PXDNL: variants seen among roughly 807,000 people sequenced by gnomAD.
The protein encoded by PXDNL is probable oxidoreductase PXDNL.
PXDNL carries 145 observed loss-of-function variants against 150.8 expected under a neutral mutation model. That is an observed-to-expected ratio of 0.96 (90% CI 0.84 to 1.10). The LOEUF (loss-of-function observed/expected upper bound fraction) is 1.10, where lower values mean the gene tolerates loss of function less well. PXDNL is among the 50% of genes least tolerant of loss of function. The pLI, the probability that PXDNL is intolerant of heterozygous loss-of-function variation, is 0.00. For missense variants in PXDNL, 2,087 were observed against 1,873.9 expected, an observed-to-expected ratio of 1.11 and a Z score of -2.10; for synonymous variants, 757 against 725.7, an observed-to-expected ratio of 1.04 and a Z score of -0.69.
chr8:51,369,266 A>G (rs535798769), intron 19 of PXDNL, among the ~76,000 whole-genome samples: 4 of 152,298 alleles, frequency 2.6e-5, no homozygotes, highest in Admixed American at 1.3e-4. Context: ...AACTCAGACC[A>G]TTAAAATGTA....
intron 3 of PXDNL, among the ~76,000 whole-genome samples, chr8:51,567,014 T>C (rs1812843350): frequency 6.6e-6 from 1 of 151,842 alleles, no homozygotes; most frequent in Admixed American, 6.6e-5. Context: ...TACTTTTAAA[T>C]TTCCCTTGAG....
rs151183014 is a variant in PXDNL, at chr8:51,418,955, C to T, written c.1795+4620G>A. On this transcript the variant is annotated intron_variant, in intron 14 of 22. Coordinates refer to ENST00000356297, the MANE Select transcript of PXDNL (RefSeq NM_144651.5). ...AGAAGCAATTTTAGGGAAGGAAAGA[C>T]GAGGGAGGCTTTGAGTTGGAGTAAG... 3.8e-4 allele frequency among the ~76,000 whole-genome samples: 58 copies of T among 152,094 alleles called. 2 individuals carry two copies. Among genetic ancestry groups the T allele is most frequent in the Middle Eastern group, 6.8e-3 (2 of 294 alleles).
chr8:51,388,443 T>C (rs1429208645), intron 17 of PXDNL, among the ~76,000 whole-genome samples: 8 of 152,208 alleles, frequency 5.3e-5, no homozygotes, highest in Non-Finnish European at 1.2e-4. Flanking sequence ...GTGAAAAATA[T>C]CTGCTATGCT....
rs117045492 is a variant in PXDNL, at chr8:51,420,081, G to A, written c.1795+3494C>T. Among the ~76,000 whole-genome samples the A allele has an allele frequency of 7.1e-3, 1,086 of 152,240 alleles. 9 individuals are homozygous for A. The highest frequency in any genetic ancestry group is 0.011 in the Non-Finnish European group (777 of 68,008). On this transcript the variant is annotated intron_variant, in intron 14 of 22. Transcript: ENST00000356297. ...GGTAAATTTTATATAATGCGTAGAT[G>A]GTTGTGTACTTTTCATTATTGTGCA... is the stretch of plus-strand genomic sequence containing the variant.
At chr8:51,673,771 G>C (rs1311329972) in intron 1 of PXDNL, among the ~76,000 whole-genome samples, 1 of 152,266 alleles carries the variant, frequency 6.6e-6, no homozygotes, top group East Asian at 1.9e-4. Context: ...TCTCTACATA[G>C]TTTAGTTAAA....
intron 4 of PXDNL, among the ~76,000 whole-genome samples, chr8:51,552,149 C>T (rs185917721): frequency 1.7e-4 from 26 of 152,060 alleles, no homozygotes; most frequent in African/African-American, 4.8e-4. Flanking sequence ...CCTGCAAGAA[C>T]GGCCATAATG....
At chr8:51,475,816 G>A (rs150900313) in intron 6 of PXDNL, among the ~76,000 whole-genome samples, 19 of 151,426 alleles carry the variant, frequency 1.3e-4, no homozygotes, top group African/African-American at 4.6e-4. Flanking sequence ...GTCTATCGTT[G>A]TCATTTTTAT....
chr8:51,482,187 C>T (rs1314456201), intron 6 of PXDNL, among the ~76,000 whole-genome samples: 3 of 152,212 alleles, frequency 2.0e-5, no homozygotes, highest in African/African-American at 7.2e-5. Context: ...TCTCTTCCAT[C>T]AATGTGACCT....
intron 1 of PXDNL, among the ~76,000 whole-genome samples, chr8:51,725,032 G>A (rs1816797906): frequency 6.6e-6 from 1 of 151,948 alleles, no homozygotes; most frequent in Non-Finnish European, 1.5e-5. Flanking sequence ...CTGTCACCCA[G>A]GCTGGAGTGC....
intron 8 of PXDNL, among the ~76,000 whole-genome samples, chr8:51,465,947 A>G (rs1810195884): frequency 6.6e-6 from 1 of 152,204 alleles, no homozygotes; most frequent in Admixed American, 6.5e-5. Flanking sequence ...GGAAGAATCA[A>G]TATTGTTCAA....
intron 1 of PXDNL, among the ~76,000 whole-genome samples, chr8:51,734,370 C>T (rs550636148): frequency 2.6e-5 from 4 of 152,262 alleles, no homozygotes; most frequent in East Asian, 3.9e-4. Context: ...TTTTGGCATA[C>T]GGTTTAGATA....
At chr8:51,388,707 G>A (rs1331669107) in intron 17 of PXDNL, among the ~76,000 whole-genome samples, 2 of 151,904 alleles carry the variant, frequency 1.3e-5, no homozygotes, top group Non-Finnish European at 2.9e-5. Context: ...AATATTTGAT[G>A]TTTTCAATCT....
chr8:51,426,825 G>A (rs374403788), intron 12 of PXDNL, 67 bp from the exon 13 acceptor site: 33 of 918,844 alleles, frequency 3.6e-5, no homozygotes, highest in South Asian at 2.7e-4. Flanking sequence ...TGCCAGCTGA[G>A]TCAAAGGTAT....
chr8:51,577,578 A>T (rs145864330), intron 3 of PXDNL, among the ~76,000 whole-genome samples: 7,223 of 142,910 alleles, frequency 0.051, 415 homozygotes, highest in African/African-American at 0.15. Flanking sequence ...TATATATATA[A>T]AATCTATCTA....
chr8:51,366,890 C>G (rs1427022339), intron 19 of PXDNL, among the ~76,000 whole-genome samples: 1 of 151,996 alleles, frequency 6.6e-6, no homozygotes, highest in Non-Finnish European at 1.5e-5. Context: ...ATCACAAGGT[C>G]AGGAGTTCAA....
intron 1 of PXDNL, among the ~76,000 whole-genome samples, chr8:51,680,532 A>G (rs1815721393): frequency 6.6e-6 from 1 of 152,188 alleles, no homozygotes. Flanking sequence ...CATATTTTCA[A>G]AAACAATGTT....
chr8:51,374,692 G>A lies in PXDNL; in HGVS notation c.3597C>T (p.Ala1199=). 6.2e-7 allele frequency: 1 copy of A among 1,613,856 alleles called. No homozygotes were observed. Residue 1199 remains alanine, a synonymous_variant, in exon 18 of 23, where the codon GCC becomes GCT. Transcript: ENST00000356297. ...CAGGAATCAGGTCTTCAACCATAAGGGCGGGCCAGAGGTCAATGTCACCTG... is the reference window on the plus strand; with the variant it reads ...CAGGAATCAGGTCTTCAACCATAAGAGCGGGCCAGAGGTCAATGTCACCTG... ...GSPGDIDLWP[A]LMVEDLIPGT...
chr8:51,608,013 G>A (rs1813884724), intron 2 of PXDNL, among the ~76,000 whole-genome samples: 1 of 73,246 alleles, frequency 1.4e-5, no homozygotes, highest in Non-Finnish European at 2.6e-5. Context: ...AAGAAAGAAA[G>A]AAAGAAAGAA....
In PXDNL at chr8:51,475,123, G is replaced by A; in HGVS notation, c.543C>T (p.Ala181=). ...SLKRLRLDSN[A]LVCDCDLMWL... ...ACATCAGATCACAGTCACAAACCAG[G>A]GCGTTGGAATCCAGACGCCTAGGCA... Residue 181 remains alanine, a synonymous_variant, in exon 7 of 23, where the codon GCC becomes GCT. Coordinates refer to ENST00000356297, the MANE Select transcript of PXDNL (RefSeq NM_144651.5). The A allele has an allele frequency of 6.2e-7, 1 of 1,612,882 alleles. No individual in the cohort carries two copies. The highest frequency in any genetic ancestry group is 8.5e-7 in the Non-Finnish European group (1 of 1,179,086).
Sources: gnomAD v4.1 joint callset for allele counts (sites outside exome capture counted in the v4.1 genomes callset) on GRCh38, gnomAD v4.1.1 for gene constraint, MANE v1.5 for transcripts, NCBI Gene and HGNC (gene_info 2026-07-23, HGNC 2026-07-21) for gene names.